RUFY4: variants seen among roughly 807,000 people sequenced by gnomAD.
RUFY4 encodes RUN and FYVE domain containing 4.
A neutral mutation model predicts 69.0 loss-of-function variants in RUFY4; 73 were observed. That is an observed-to-expected ratio of 1.06 (90% confidence interval 0.88 to 1.29). The LOEUF (loss-of-function observed/expected upper bound fraction) is 1.29, where lower values mean the gene tolerates loss of function less well. RUFY4 is among the 50% of genes most tolerant of loss of function. The pLI is 0.00. For missense variants in RUFY4, 770 were observed against 705.6 expected (o/e 1.09, Z -1.03); for synonymous variants, 287 against 271.8 (o/e 1.06, Z -0.55).
At chr2:218,052,179 G>T (rs938864194) in intron 2 of RUFY4, among the ~76,000 whole-genome samples, 1 of 152,172 alleles carries the variant, frequency 6.6e-6, no homozygotes, top group Admixed American at 6.5e-5. Flanking sequence ...TTCAACATTT[G>T]TCAGTTCCTG....
chr2:218,058,586 C>T (rs1200724397), intron 2 of RUFY4: 2 of 152,212 alleles, frequency 1.3e-5, no homozygotes, highest in African/African-American at 2.4e-5. Flanking sequence ...CTTCCTTTCA[C>T]ATTTCCAGGT....
At chr2:218,072,653 C>T in intron 3 of RUFY4, 126 bp from the exon 6 acceptor site, 3 of 1,313,118 alleles carry the variant, frequency 2.3e-6, no homozygotes, top group African/African-American at 3.0e-5. Context: ...CACCCTTTTC[C>T]TCCCATGGCC....
intron 4 of RUFY4, 62 bp from the exon 7 acceptor site, chr2:218,073,181 T>C (rs1442173773): frequency 6.6e-7 from 1 of 1,516,464 alleles, no homozygotes; most frequent in Non-Finnish European, 8.8e-7. Flanking sequence ...GTGGGGGTGG[T>C]TGGGGCAGGG....
intron 9 of RUFY4, among the ~76,000 whole-genome samples, chr2:218,086,947 A>T (rs1201368452): frequency 6.6e-6 from 1 of 152,232 alleles, no homozygotes; most frequent in Non-Finnish European, 1.5e-5. Context: ...TGCAAGGAAA[A>T]AAGAAAGGCA....
In RUFY4 at chr2:218,048,624, GTC is replaced by G. The variant is rs1363250731; in HGVS notation, c.-1157-9965_-1157-9964del. Reference sequence around the variant, plus strand: ...AAAGATTTATTTGATTCCCTTTATTGTCTCTCTTTATTTTTGGTCTAATAAAC... The same window carrying G: ...AAAGATTTATTTGATTCCCTTTATTGTCTCTTTATTTTTGGTCTAATAAAC... On this transcript the variant is annotated intron_variant and NMD_transcript_variant, in intron 2 of 13. Transcript: ENST00000457754. Among the ~76,000 whole-genome samples, 4 of 151,822 alleles carry G rather than the reference GTC, an allele frequency of 2.6e-5. No homozygotes were observed. The East Asian group carries it at 7.7e-4, about 29-fold the overall frequency.
intron 8 of RUFY4, among the ~76,000 whole-genome samples, chr2:218,082,029 T>C (rs1404617655): frequency 6.6e-6 from 1 of 152,204 alleles, no homozygotes; most frequent in Non-Finnish European, 1.5e-5. Context: ...CACCTGCCAT[T>C]GCAACGCCCT....
intron 8 of RUFY4, among the ~76,000 whole-genome samples, chr2:218,078,863 GTT>G (rs1333844663): frequency 1.3e-5 from 2 of 151,948 alleles, no homozygotes; most frequent in African/African-American, 4.8e-5. Context: ...TGGTTTTTTT[GTT>G]TTGTTTTGTT....
At chr2:218,075,234 T>A in exon 7 of RUFY4, 2 of 1,567,284 alleles carry the variant, frequency 1.3e-6, no homozygotes, top group Non-Finnish European at 1.7e-6. Context: ...TCTTCCTTTC[T>A]TTTTGGAAAA....
intron 2 of RUFY4, among the ~76,000 whole-genome samples, chr2:218,047,441 G>A (rs578128817): frequency 4.0e-5 from 6 of 150,952 alleles, no homozygotes; most frequent in South Asian, 2.1e-4. Context: ...TTTTTATTCC[G>A]GATCAATAAG....
At chr2:218,071,045 G>T (rs566303471) in intron 2 of RUFY4, among the ~76,000 whole-genome samples, 186 bp downstream of exon 4, 3 of 152,312 alleles carry the variant, frequency 2.0e-5, no homozygotes, top group African/African-American at 7.2e-5. Flanking sequence ...GTGAAGTGGG[G>T]CAAAGCGGGG....
At chr2:218,067,222 C>T (rs1297041872), upstream of RUFY4, among the ~76,000 whole-genome samples, 3 of 152,238 alleles carry the variant, frequency 2.0e-5, no homozygotes, top group Admixed American at 1.3e-4. Flanking sequence ...GGCACCACCC[C>T]GCAGATGGCT....
intron 2 of RUFY4, among the ~76,000 whole-genome samples, chr2:218,040,390 C>CTG (rs1313219821): frequency 6.6e-6 from 1 of 152,220 alleles, no homozygotes. Flanking sequence ...GATCTCTGAG[C>CTG]TGTGGCTCCT....
chr2:218,089,303 C>T (rs374828754), exon 10 of RUFY4: 13 of 1,613,890 alleles, frequency 8.1e-6, no homozygotes, highest in East Asian at 2.2e-5. Flanking sequence ...CCATGGCTCC[C>T]GAGTGCTGTG....
Position 218,076,539 on chromosome 2 carries a change from CT to C in RUFY4, c.1355+8del. The C allele has an allele frequency of 1.3e-6, 2 of 1,549,832 alleles. No individual in the cohort carries two copies. The highest frequency in any genetic ancestry group is 4.9e-5 in the East Asian group (2 of 40,766). On this transcript the variant is annotated splice_region_variant and intron_variant, in intron 8 of 10. Transcript: ENST00000344321. Reference sequence around the variant, plus strand: ...CTTCGGGAGCAGCTCAGCAGGTAACCTTGGCAACCCACAGCACAGGGCACCT... The same window carrying C: ...CTTCGGGAGCAGCTCAGCAGGTAACCTGGCAACCCACAGCACAGGGCACCT...
intron 3 of RUFY4, 107 bp from the exon 6 acceptor site, chr2:218,072,672 C>T: frequency 7.7e-7 from 1 of 1,297,010 alleles, no homozygotes; most frequent in Non-Finnish European, 1.0e-6. Flanking sequence ...CCTCAGGTCC[C>T]CCTGCACCCT....
In RUFY4 at chr2:218,050,488, T is replaced by C. The variant is rs188558977; in HGVS notation, c.-1157-8107T>C. ...CACTCCTGGCTAGCTCACCAAACTG[T>C]GGGAGGTGGGAATAAGAGCTATAAC... On this transcript the variant is annotated intron_variant and NMD_transcript_variant, in intron 2 of 13. Coordinates refer to the RUFY4 transcript ENST00000457754. Among the ~76,000 whole-genome samples the C allele has an allele frequency of 4.1e-4, 62 of 152,196 alleles. 1 individual carries two copies. The highest frequency in any genetic ancestry group is 3.4e-3 in the Middle Eastern group (1 of 294).
chr2:218,055,357 T>C (rs1242565959), intron 2 of RUFY4, among the ~76,000 whole-genome samples: 1 of 150,640 alleles, frequency 6.6e-6, no homozygotes, highest in Non-Finnish European at 1.5e-5. Context: ...ATCGTGCCAC[T>C]GCACTCCAGC....
At chr2:218,045,176 TG>T (rs1255296887) in intron 2 of RUFY4, among the ~76,000 whole-genome samples, 1 of 152,228 alleles carries the variant, frequency 6.6e-6, no homozygotes, top group Non-Finnish European at 1.5e-5. Flanking sequence ...TTTGTGGTTT[TG>T]GTTTGCATTT....
At position 218,083,035 on chromosome 2, in the gene RUFY4, G is replaced by T; in HGVS notation, c.1356-75G>T. ...GCGTCTCCCATGGGCTCCCTCTCTGGAAGAGGCTCAGCCTAGCTCAGGCAC... is the reference window on the plus strand; with the variant it reads ...GCGTCTCCCATGGGCTCCCTCTCTGTAAGAGGCTCAGCCTAGCTCAGGCAC... On this transcript the variant is annotated intron_variant, in intron 8 of 10. Transcript: ENST00000344321. 4.0e-6 allele frequency: 6 copies of T among 1,486,690 alleles called. No homozygotes were observed. In the South Asian group the frequency reaches 6.0e-5, roughly 15 times the overall value. The allele number at this position is 1,486,690 out of a possible 1,614,324, so 92.1% of individuals were successfully genotyped here.
Sources: allele counts gnomAD v4.1 joint callset (sites outside exome capture counted in the v4.1 genomes callset), GRCh38; gene constraint gnomAD v4.1.1; transcripts MANE v1.5; gene names NCBI Gene and HGNC (gene_info 2026-07-23, HGNC 2026-07-21).